LAMC2: variants seen among roughly 807,000 people sequenced by gnomAD.
LAMC2 encodes the protein laminin subunit gamma-2.
Under a neutral mutation model 140.2 loss-of-function variants are expected in LAMC2, and 97 were observed. The ratio of observed to expected loss-of-function variants is 0.69; its 90% CI spans 0.59 to 0.82. LAMC2 has a LOEUF of 0.82. Among genes scored for constraint, LAMC2 ranks in the 40% least tolerant of loss-of-function variants. The probability of loss-of-function intolerance (pLI) is 0.00; values close to 1 mark genes in which losing one functional copy is unlikely to be tolerated. For missense variants in LAMC2, 1,402 were observed against 1,476.1 expected (o/e 0.95, Z 0.82); for synonymous variants, 513 against 540.2 (o/e 0.95, Z 0.70).
Position 183,228,380 on chromosome 1 carries a change from G to A in LAMC2, c.1475G>A (p.Arg492His), listed in dbSNP as rs565998938. ...GTCATTTGTTCCTTCCCAGGTGCCCGCTGTGAGCTCTGTGCTGATGGCTAC... is the reference window on the plus strand; with the variant it reads ...GTCATTTGTTCCTTCCCAGGTGCCCACTGTGAGCTCTGTGCTGATGGCTAC... ...NNCPPGVTGA[R>H]CELCADGYFG... Residue 492 changes from arginine (R) to histidine (H), a missense_variant, in exon 11 of 23, where the codon CGC (arginine) becomes CAC (histidine). Transcript: ENST00000264144. The surrounding 1 kb of genome is among the most constrained non-coding windows in gnomAD (Gnocchi z 4.3). The A allele has an allele frequency of 2.1e-5, 34 of 1,614,084 alleles. No individual in the cohort carries two copies. The highest frequency in any genetic ancestry group is 7.7e-5 in the South Asian group (7 of 91,070).
the LAMC2 span, among the ~76,000 whole-genome samples, chr1:183,253,868 G>A: frequency 6.6e-6 from 1 of 151,842 alleles, no homozygotes; most frequent in African/African-American, 2.4e-5. Context: ...GCAAGTGGTA[G>A]GATCTCCTTT....
intron 1 of LAMC2, among the ~76,000 whole-genome samples, chr1:183,198,100 A>C (rs973682676): frequency 1.3e-5 from 2 of 151,824 alleles, no homozygotes; most frequent in African/African-American, 4.8e-5. Flanking sequence ...TTTCCTCTAA[A>C]TAAGAAAGAT....
In LAMC2 at chr1:183,226,901, TG is replaced by T. The variant is rs1237252961; in HGVS notation, c.1271del (p.Cys424LeufsTer49). Reference protein sequence around the residue: ...IPCNCQGGGACDPDTGDCYSG... With the variant: ...IPCNCQGGGAXDPDTGDCYSG... The stretch of plus-strand genomic sequence containing the variant: ...TTGTAACTGTCAAGGGGGAGGGGCC[TG>T]TGATCCAGACACAGGTGAGTGAAAT... On this transcript the variant is annotated frameshift_variant, in exon 9 of 23. Coordinates refer to ENST00000264144, the MANE Select transcript of LAMC2 (RefSeq NM_005562.3). LOFTEE classifies it high-confidence loss of function. 1 of 1,613,852 alleles carries T rather than the reference TG, an allele frequency of 6.2e-7. No individual in the cohort carries two copies. The highest frequency in any genetic ancestry group is 2.2e-5 in the East Asian group (1 of 44,888).
intron 4 of LAMC2, among the ~76,000 whole-genome samples, chr1:183,219,323 T>G (rs1659393879): frequency 6.6e-6 from 1 of 152,204 alleles, no homozygotes; most frequent in African/African-American, 2.4e-5. Context: ...GGACATAAAG[T>G]TTAAGTGTTA....
At chr1:183,236,308 G>T in intron 16 of LAMC2, 152 bp from the exon 17 acceptor site, 1 of 703,310 alleles carries the variant, frequency 1.4e-6, no homozygotes. Context: ...AGGATTGCTT[G>T]AGCGTGGGAG....
intron 7 of LAMC2, among the ~76,000 whole-genome samples, chr1:183,223,813 TGAGGTAGGAGAAA>T (rs1659547025): frequency 6.6e-6 from 1 of 151,852 alleles, no homozygotes; most frequent in African/African-American, 2.4e-5. Context: ...CAGTGAGAAG[TGAGGTAGGAGAAA>T]GAGGTGGGAG....
chr1:183,187,033 A>T (rs534322114), intron 1 of LAMC2, among the ~76,000 whole-genome samples: 1 of 152,352 alleles, frequency 6.6e-6, no homozygotes, highest in South Asian at 2.1e-4. Context: ...GTTGGCTGTC[A>T]TGTGTTAGAC....
chr1:183,251,932 CGT>C, the LAMC2 span: 101 of 155,208 alleles, frequency 6.5e-4, no homozygotes, highest in South Asian at 2.6e-3. Flanking sequence ...CGCATGTGTG[CGT>C]GTGTGTGTGT....
At chr1:183,236,406 A>AT (rs1659963527) in intron 16 of LAMC2, 54 bp from the exon 17 acceptor site, 2 of 1,421,830 alleles carry the variant, frequency 1.4e-6, no homozygotes, top group African/African-American at 1.5e-5. Context: ...AAAAAAAAAA[A>AT]GAATTCTCAA....
At chr1:183,218,128 C>A (rs1383236007) in intron 3 of LAMC2, among the ~76,000 whole-genome samples, 2 of 152,248 alleles carry the variant, frequency 1.3e-5, no homozygotes, top group African/African-American at 4.8e-5. Flanking sequence ...CATTCTGGCA[C>A]AAACCCCTGC....
intron 2 of LAMC2, 89 bp downstream of exon 2, chr1:183,208,158 G>T: frequency 8.1e-7 from 1 of 1,230,922 alleles, no homozygotes. Flanking sequence ...AAGAAGGAAG[G>T]GAACAACGGA....
intron 1 of LAMC2, among the ~76,000 whole-genome samples, chr1:183,187,914 G>C (rs796404962): frequency 9.9e-5 from 15 of 152,250 alleles, no homozygotes; most frequent in African/African-American, 2.9e-4. Flanking sequence ...AAGTAATAAA[G>C]GAATAAGATA....
chr1:183,226,459 C>T (rs1190809034), intron 8 of LAMC2, among the ~76,000 whole-genome samples: 3 of 152,188 alleles, frequency 2.0e-5, no homozygotes. Flanking sequence ...GGCTAAGTGA[C>T]TTGCCCAATT....
downstream of LAMC2, chr1:183,249,617 G>A (rs1050183740): frequency 2.0e-5 from 3 of 151,092 alleles, no homozygotes; most frequent in African/African-American, 7.3e-5. Context: ...GCTGGGTCAT[G>A]GTCACAATGT....
At chr1:183,233,681 T>G (rs996699814) in intron 14 of LAMC2, among the ~76,000 whole-genome samples, 1 of 152,186 alleles carries the variant, frequency 6.6e-6, no homozygotes, top group Non-Finnish European at 1.5e-5. Flanking sequence ...TTGGAATATA[T>G]TCTACTGGAC....
chr1:183,214,004 G>T (rs1302739194), intron 2 of LAMC2, among the ~76,000 whole-genome samples: 1 of 151,352 alleles, frequency 6.6e-6, no homozygotes, highest in Non-Finnish European at 1.5e-5. Flanking sequence ...GGTGGAGGTT[G>T]CTGACCTAGG....
In LAMC2 at chr1:183,236,461, T is replaced by C. The variant is rs750934369; in HGVS notation, c.2458T>C (p.Leu820=). 1 of 1,600,356 alleles carries C rather than the reference T, an allele frequency of 6.2e-7. No individual in the cohort carries two copies. The highest frequency in any genetic ancestry group is 8.5e-7 in the Non-Finnish European group (1 of 1,172,142). Residue 820 remains leucine (L), a splice_region_variant and synonymous_variant, in exon 17 of 23, where the codon TTG becomes CTG. Coordinates refer to ENST00000264144, the MANE Select transcript of LAMC2 (RefSeq NM_005562.3). ...CCCCCTCCCCACCCCCAACACCAGA[T>C]TGGAGAAAACCAAGTCCCTGGCCCA... ...GAVVQGLVEK[L]EKTKSLAQQL...
chr1:183,254,898 T>C, the LAMC2 span, among the ~76,000 whole-genome samples: 1 of 152,250 alleles, frequency 6.6e-6, no homozygotes, highest in Non-Finnish European at 1.5e-5. Flanking sequence ...TTTCCTTTGC[T>C]GTACAGAAGC....
At position 183,228,350 on chromosome 1, in the gene LAMC2, G is replaced by T. The variant is rs567541865; in HGVS notation, c.1469-24G>T. The T allele has an allele frequency of 1.1e-5, 18 of 1,613,998 alleles. No individual in the cohort carries two copies. The highest frequency in any genetic ancestry group is 1.5e-5 in the Non-Finnish European group (18 of 1,180,014). ...TTCCTCCTGATGGATGTCGACCTAGGCTTGGTCATTTGTTCCTTCCCAGGT... is the reference window on the plus strand; with the variant it reads ...TTCCTCCTGATGGATGTCGACCTAGTCTTGGTCATTTGTTCCTTCCCAGGT... On this transcript the variant is annotated intron_variant, in intron 10 of 22. Coordinates refer to ENST00000264144, the MANE Select transcript of LAMC2 (RefSeq NM_005562.3). The surrounding 1 kb of genome is among the most constrained non-coding windows in gnomAD (Gnocchi z 4.3).
Sources: gnomAD v4.1 joint callset for allele counts (sites outside exome capture counted in the v4.1 genomes callset) on GRCh38, gnomAD v4.1.1 for gene constraint, Gnocchi (gnomAD v3.1) non-coding constraint, MANE v1.5 for transcripts, NCBI Gene and HGNC (gene_info 2026-07-23, HGNC 2026-07-21) for gene names.